ZBTB20: variants seen among roughly 807,000 people sequenced by gnomAD.
ZBTB20 encodes the protein zinc finger and BTB domain-containing protein 20.
ZBTB20 carries 9 observed loss-of-function variants against 56.9 expected under a neutral mutation model. The observed-to-expected ratio is 0.16, with a 90% CI of 0.10 to 0.28. ZBTB20 has a LOEUF of 0.28. ZBTB20 is among the 10% of genes least tolerant of loss of function. The probability of loss-of-function intolerance (pLI) is 1.00; values close to 1 mark genes in which losing one functional copy is unlikely to be tolerated. For missense variants in ZBTB20, 655 were observed against 1,003.0 expected (o/e 0.65, Z 4.69); for synonymous variants, 417 against 420.7 (o/e 0.99, Z 0.11).
chr3:115,038,837 C>T (rs772630720), intron 2 of ZBTB20, among the ~76,000 whole-genome samples: 3 of 152,036 alleles, frequency 2.0e-5, no homozygotes, highest in African/African-American at 2.4e-5. Flanking sequence ...AAAGTGGTAA[C>T]GTCTAAAGGT....
chr3:115,124,814 T>C (rs1038574479), intron 1 of ZBTB20, among the ~76,000 whole-genome samples: 21 of 152,138 alleles, frequency 1.4e-4, no homozygotes, highest in Admixed American at 9.8e-4. Flanking sequence ...TATGTCTAAA[T>C]AATATACAAA....
chr3:114,991,958 T>C (rs2078831046), intron 2 of ZBTB20, among the ~76,000 whole-genome samples: 1 of 152,060 alleles, frequency 6.6e-6, no homozygotes, highest in South Asian at 2.1e-4. Flanking sequence ...ATTTGCTCCG[T>C]AGATCTTCCT....
At chr3:114,574,505 T>C (rs2053793507) in intron 6 of ZBTB20, among the ~76,000 whole-genome samples, 1 of 152,232 alleles carries the variant, frequency 6.6e-6, no homozygotes, top group Non-Finnish European at 1.5e-5. Context: ...TACTTTTTCA[T>C]GTTTATTAGA....
At chr3:114,360,828 A>G (rs2081788745) in intron 10 of ZBTB20, among the ~76,000 whole-genome samples, 1 of 152,128 alleles carries the variant, frequency 6.6e-6, no homozygotes, top group South Asian at 2.1e-4. Flanking sequence ...GCTGAAATTC[A>G]TCTGCGCACC....
intron 5 of ZBTB20, chr3:114,743,716 C>T (rs1158485751): frequency 6.5e-6 from 1 of 154,072 alleles, no homozygotes; most frequent in Non-Finnish European, 1.5e-5. Flanking sequence ...TCTTACCAAA[C>T]ATTGCAAATA....
chr3:114,618,361 A>G (rs1325447805), intron 6 of ZBTB20, among the ~76,000 whole-genome samples: 1 of 147,906 alleles, frequency 6.8e-6, no homozygotes, highest in Non-Finnish European at 1.5e-5. Context: ...GGGATAAGGG[A>G]TCCTCCCATC....
At chr3:114,574,666 A>G (rs1326559577) in intron 6 of ZBTB20, among the ~76,000 whole-genome samples, 1 of 152,196 alleles carries the variant, frequency 6.6e-6, no homozygotes, top group Non-Finnish European at 1.5e-5. Context: ...CTTGCTCTGA[A>G]TGATGGCATC....
chr3:114,623,345 C>T (rs767416585), intron 6 of ZBTB20, among the ~76,000 whole-genome samples: 3 of 152,156 alleles, frequency 2.0e-5, no homozygotes, highest in Non-Finnish European at 4.4e-5. Flanking sequence ...TCCCAGAGCA[C>T]ATTCAATCAG....
chr3:115,144,004 C>G (rs1035377708), intron 1 of ZBTB20, among the ~76,000 whole-genome samples: 2 of 152,320 alleles, frequency 1.3e-5, no homozygotes, highest in African/African-American at 4.8e-5. Context: ...AGAATGTAAG[C>G]TCCACAAGGG....
At chr3:114,661,316 TC>T (rs1404422683) in intron 6 of ZBTB20, among the ~76,000 whole-genome samples, 2 of 152,144 alleles carry the variant, frequency 1.3e-5, no homozygotes, top group Non-Finnish European at 2.9e-5. Flanking sequence ...AAACGTACCT[TC>T]TTGCTATCTT....
chr3:114,905,280 C>T (rs1463015035), intron 3 of ZBTB20, among the ~76,000 whole-genome samples: 3 of 151,818 alleles, frequency 2.0e-5, no homozygotes, highest in Admixed American at 6.6e-5. Flanking sequence ...ATATCCTCAA[C>T]TTGAAGTTAT....
At chr3:114,762,837 A>C (rs1250130574) in intron 5 of ZBTB20, among the ~76,000 whole-genome samples, 2 of 152,194 alleles carry the variant, frequency 1.3e-5, no homozygotes, top group African/African-American at 4.8e-5. Flanking sequence ...GTTACAACTT[A>C]GTAAAATTTT....
chr3:114,515,990 T>C (rs1035314674), intron 6 of ZBTB20, among the ~76,000 whole-genome samples: 1 of 151,216 alleles, frequency 6.6e-6, no homozygotes, highest in East Asian at 1.9e-4. Context: ...TCTAGCTGTG[T>C]TTCTAATTAA....
chr3:114,345,481 C>T (rs927682101), intron 11 of ZBTB20, among the ~76,000 whole-genome samples: 3 of 152,174 alleles, frequency 2.0e-5, no homozygotes, highest in African/African-American at 4.8e-5. Flanking sequence ...TTATCCACTA[C>T]AAAATCAAGC....
intron 7 of ZBTB20, among the ~76,000 whole-genome samples, chr3:114,408,418 A>G (rs2087554915): frequency 6.6e-6 from 1 of 152,178 alleles, no homozygotes; most frequent in Non-Finnish European, 1.5e-5. Flanking sequence ...CAACATTGCT[A>G]ATGTTTAGGA....
intron 5 of ZBTB20, among the ~76,000 whole-genome samples, chr3:114,748,350 T>TCTCTCTCTCTCTCTCTCTCTC (rs373583112): frequency 3.4e-5 from 1 of 29,468 alleles, no homozygotes; most frequent in African/African-American, 8.1e-5. Context: ...TCTTTCTTTC[T>TCTCTCTCTCTCTCTCTCTCTC]TTTCTCTCTC....
intron 7 of ZBTB20, among the ~76,000 whole-genome samples, chr3:114,476,222 A>G (rs1443827139): frequency 1.3e-5 from 2 of 152,082 alleles, no homozygotes; most frequent in African/African-American, 4.8e-5. Context: ...TTAACACAGC[A>G]CTCTAGAGTT....
chr3:114,965,847 T>C (rs1318179503), intron 3 of ZBTB20, among the ~76,000 whole-genome samples: 2 of 152,130 alleles, frequency 1.3e-5, no homozygotes, highest in Non-Finnish European at 2.9e-5. Flanking sequence ...TATTTTTCAG[T>C]TGGGTTATTT....
intron 5 of ZBTB20, among the ~76,000 whole-genome samples, chr3:114,736,025 C>A (rs1416140149): frequency 6.6e-6 from 1 of 152,180 alleles, no homozygotes; most frequent in Non-Finnish European, 1.5e-5. Flanking sequence ...GTAGTCAAAC[C>A]AGAATTATTT....
Sources: gnomAD v4.1 joint callset for allele counts (sites outside exome capture counted in the v4.1 genomes callset) on GRCh38, gnomAD v4.1.1 for gene constraint, MANE v1.5 for transcripts, NCBI Gene and HGNC (gene_info 2026-07-23, HGNC 2026-07-21) for gene names.